The following SAMD8 variants were observed in gnomAD, a reference collection of about 807,000 sequenced individuals.
SAMD8 encodes sterile alpha motif domain containing 8.
A neutral mutation model predicts 42.0 loss-of-function variants in SAMD8; 20 were observed. The observed-to-expected ratio is 0.48, with a 90% CI of 0.34 to 0.69. SAMD8 has a LOEUF of 0.69. Among genes scored for constraint, SAMD8 ranks in the 30% least tolerant of loss-of-function variants. The pLI is 0.01. For missense variants in SAMD8, 328 were observed against 511.6 expected (o/e 0.64, Z 3.46); for synonymous variants, 162 against 173.0 (o/e 0.94, Z 0.50).
chr10:75,147,603 G>T (rs541972347), intron 1 of SAMD8, among the ~76,000 whole-genome samples: 4 of 152,174 alleles, frequency 2.6e-5, no homozygotes, highest in Non-Finnish European at 5.9e-5. Flanking sequence ...TGGGATAGGC[G>T]TGAGCCACCA....
At position 75,164,636 on chromosome 10, in the gene SAMD8, C is replaced by CT. The variant is rs749348254; in HGVS notation, c.579-8dup. 1 of 1,611,642 alleles carries CT rather than the reference C, an allele frequency of 6.2e-7. No homozygotes were observed. The highest frequency in any genetic ancestry group is 8.5e-7 in the Non-Finnish European group (1 of 1,178,818). On this transcript the variant is annotated splice_polypyrimidine_tract_variant and intron_variant, in intron 2 of 5. Transcript: ENST00000542569. ...TTCTTCAATTCAAAATCATTTTTTTCTGTTCCAGCGTTCCTAGAATCCCAT... is the reference window on the plus strand; with the variant it reads ...TTCTTCAATTCAAAATCATTTTTTTCTTGTTCCAGCGTTCCTAGAATCCCAT...
At chr10:75,148,492 T>G (rs1179728412) in intron 1 of SAMD8, among the ~76,000 whole-genome samples, 4 of 151,980 alleles carry the variant, frequency 2.6e-5, no homozygotes, top group Admixed American at 2.6e-4. Context: ...TAGCTGGGAC[T>G]ACAGGCGCAC....
chr10:75,150,554 T>G lies in SAMD8; in HGVS notation c.26T>G (p.Ile9Ser). 1 of 1,613,760 alleles carries G rather than the reference T, an allele frequency of 6.2e-7. No individual in the cohort carries two copies. The highest frequency in any genetic ancestry group is 8.5e-7 in the Non-Finnish European group (1 of 1,179,836). Residue 9 changes from isoleucine to serine, a missense_variant, in exon 2 of 6, where the codon ATT (isoleucine) becomes AGT (serine). This residue lies in a region of SAMD8 where 150 missense variants were observed against 186.0 expected (regional missense o/e 0.81). Transcript: ENST00000542569. The part of the protein sequence containing the change: MAGPNQLC[I>S]RRWTTKHVAV... ...ATGGCAGGTCCTAATCAACTCTGCA[T>G]TCGCCGCTGGACTACCAAGCATGTA...
intron 1 of SAMD8, among the ~76,000 whole-genome samples, chr10:75,129,225 ACT>A (rs980768270): frequency 2.7e-5 from 4 of 147,600 alleles, no homozygotes; most frequent in African/African-American, 1.0e-4. Context: ...AGCTCAAGTG[ACT>A]CTTTTGGACT....
intron 4 of SAMD8, among the ~76,000 whole-genome samples, chr10:75,168,920 C>G (rs1589976540): frequency 6.6e-6 from 1 of 151,938 alleles, no homozygotes; most frequent in African/African-American, 2.4e-5. Flanking sequence ...TGCCTGTAAT[C>G]CCAGCACTTT....
chr10:75,146,322 T>C (rs1840133696), intron 1 of SAMD8, among the ~76,000 whole-genome samples: 2 of 145,596 alleles, frequency 1.4e-5, no homozygotes, highest in Admixed American at 7.3e-5. Flanking sequence ...TTCGCTCTTG[T>C]TGCCCAGGCT....
chr10:75,180,147 G>A lies in SAMD8; in HGVS notation c.*3455G>A, dbSNP rs1348558220. The A allele has an allele frequency of 6.6e-6, 1 of 151,008 alleles. No homozygotes were observed. The highest frequency in any genetic ancestry group is 2.4e-5 in the African/African-American group (1 of 41,372). The allele number at this position is 151,008 out of a possible 1,614,324, so 9.4% of individuals were successfully genotyped here. A position where few individuals can be genotyped will look rare whatever the true frequency, so the allele number is the denominator to read the frequency against. On this transcript the variant is annotated 3_prime_UTR_variant, in exon 6 of 6. Transcript: ENST00000542569. ...CAAAATAATTTGGGGGAAACCTTTC[G>A]TGGCTGTGCTGCAAGAATTCTTTAT...
intron 4 of SAMD8, among the ~76,000 whole-genome samples, chr10:75,170,948 A>G (rs1840845622): frequency 6.7e-6 from 1 of 149,668 alleles, no homozygotes; most frequent in Admixed American, 6.7e-5. Flanking sequence ...TTTAGTAGAG[A>G]TGGGGTTTCT....
chr10:75,160,542 C>T (rs893297576), intron 2 of SAMD8, among the ~76,000 whole-genome samples: 1 of 152,060 alleles, frequency 6.6e-6, no homozygotes, highest in Admixed American at 6.6e-5. Flanking sequence ...AAGACATATC[C>T]ATGTATAATG....
At chr10:75,170,544 T>C (rs893656645) in intron 4 of SAMD8, among the ~76,000 whole-genome samples, 5 of 152,114 alleles carry the variant, frequency 3.3e-5, no homozygotes, top group Non-Finnish European at 7.4e-5. Flanking sequence ...AAAAGCTGTT[T>C]TGAGGTCTTT....
chr10:75,173,949 A>C (rs907057468), intron 4 of SAMD8, among the ~76,000 whole-genome samples: 2 of 152,212 alleles, frequency 1.3e-5, no homozygotes, highest in Non-Finnish European at 2.9e-5. Context: ...ACTTCATAGG[A>C]TTGCTGTGGA....
At chr10:75,174,089 A>C (rs1402278204) in intron 4 of SAMD8, among the ~76,000 whole-genome samples, 1 of 152,148 alleles carries the variant, frequency 6.6e-6, no homozygotes, top group Non-Finnish European at 1.5e-5. Context: ...TAATACTAGT[A>C]TGCCTTTTTG....
chr10:75,111,833 G>A, intron 1 of SAMD8, 111 bp downstream of exon 1: 1 of 1,197,926 alleles, frequency 8.3e-7, no homozygotes, highest in Non-Finnish European at 1.0e-6. Context: ...GCGACCTGGA[G>A]GGGCCCCGGG....
At chr10:75,135,106 T>C (rs755617616) in intron 1 of SAMD8, among the ~76,000 whole-genome samples, 84 of 152,062 alleles carry the variant, frequency 5.5e-4, no homozygotes, top group Non-Finnish European at 9.3e-4. Context: ...TTTAAAATTA[T>C]ATATGTGCTA....
upstream of SAMD8, chr10:75,108,032 AGAG>A (rs1282840561): frequency 7.4e-6 from 12 of 1,613,636 alleles, no homozygotes; most frequent in Admixed American, 6.7e-5. Flanking sequence ...AGTCAGCCGC[AGAG>A]GAGAAGTAGG....
At chr10:75,104,701 C>T (rs1444528191) in intron 1 of SAMD8, among the ~76,000 whole-genome samples, 1 of 152,184 alleles carries the variant, frequency 6.6e-6, no homozygotes, top group African/African-American at 2.4e-5. Context: ...AATCTCAAGC[C>T]CAGCTATAAC....
At chr10:75,139,693 A>G (rs1021946375) in intron 1 of SAMD8, among the ~76,000 whole-genome samples, 5 of 152,178 alleles carry the variant, frequency 3.3e-5, no homozygotes, top group African/African-American at 9.6e-5. Context: ...GTGAATATAT[A>G]TTGCTTCTAT....
intron 1 of SAMD8, chr10:75,102,036 C>T (rs1212656050): frequency 1.2e-5 from 14 of 1,159,642 alleles, no homozygotes; most frequent in Non-Finnish European, 1.5e-5. Context: ...CCACTCCCAA[C>T]TTGTCCACTG....
chr10:75,169,169 CAAAAAAA>C (rs1023080854), intron 4 of SAMD8, among the ~76,000 whole-genome samples: 7 of 30,242 alleles, frequency 2.3e-4, no homozygotes, highest in Non-Finnish European at 3.4e-4. Flanking sequence ...GACTCCATCT[CAAAAAAA>C]AAAAAAAAAA....
Sources: allele counts gnomAD v4.1 joint callset (sites outside exome capture counted in the v4.1 genomes callset), GRCh38; gene constraint gnomAD v4.1.1; regional missense constraint gnomAD v4.1.1; transcripts MANE v1.5; gene names NCBI Gene and HGNC (gene_info 2026-07-23, HGNC 2026-07-21).